MGAT4C: variants seen among roughly 807,000 people sequenced by gnomAD.
MGAT4C encodes alpha-1,3-mannosyl-glycoprotein 4-beta-N-acetylglucosaminyltransferase C.
MGAT4C carries 19 observed loss-of-function variants against 40.1 expected under a neutral mutation model. The observed-to-expected ratio is 0.47, with a 90% confidence interval of 0.33 to 0.70. The LOEUF is 0.70. MGAT4C is among the 30% of genes least tolerant of loss of function. The pLI is 0.02. For missense variants in MGAT4C, 491 were observed against 563.2 expected (o/e 0.87, Z 1.30); for synonymous variants, 181 against 187.1 (o/e 0.97, Z 0.27).
In MGAT4C at chr12:86,393,454, T is replaced by A. The variant is rs190112288; in HGVS notation, c.-120+41703A>T. Among the ~76,000 whole-genome samples the A allele has an allele frequency of 1.4e-3, 209 of 152,288 alleles. 1 individual carries two copies. The highest frequency in any genetic ancestry group is 4.7e-3 in the African/African-American group (197 of 41,562). ...ATTTTAGATATAAGAAAACTGAAGT[T>A]TGGAGAGACAAAATTTTTTTTCCAA... On this transcript the variant is annotated intron_variant, in intron 3 of 7. Transcript: ENST00000548651.
chr12:86,475,724 A>G (rs1489578721), intron 2 of MGAT4C, among the ~76,000 whole-genome samples: 11 of 152,100 alleles, frequency 7.2e-5, no homozygotes. Flanking sequence ...TAAAAATGTG[A>G]TAGCCAATAT....
At chr12:86,778,659 AC>A (rs1273469548) in intron 1 of MGAT4C, among the ~76,000 whole-genome samples, 1 of 152,164 alleles carries the variant, frequency 6.6e-6, no homozygotes, top group Non-Finnish European at 1.5e-5. Context: ...AATATTAAGA[AC>A]AGTATCTCTA....
intron 2 of MGAT4C, among the ~76,000 whole-genome samples, chr12:86,639,020 G>A (rs1440851110): frequency 6.6e-6 from 1 of 151,752 alleles, no homozygotes; most frequent in South Asian, 2.1e-4. Flanking sequence ...TGGTTTTGCA[G>A]ATATAAATAT....
Position 86,813,413 on chromosome 12 carries a change from A to G in MGAT4C, c.-262+25253T>C, listed in dbSNP as rs148671230. Reference sequence around the variant, plus strand: ...TAATCTACCTGATTTAATTTACTCTAAAGAAATAATCTAATTTTGAAATTT... The same window carrying G: ...TAATCTACCTGATTTAATTTACTCTGAAGAAATAATCTAATTTTGAAATTT... On this transcript the variant is annotated intron_variant, in intron 1 of 7. Coordinates refer to the MGAT4C transcript ENST00000548651. 4.9e-4 allele frequency among the ~76,000 whole-genome samples: 71 copies of G among 143,914 alleles called. No homozygotes were observed. The East Asian group carries it at 0.011, about 23-fold the overall frequency. The allele number at this position is 143,914 out of a possible 152,430, so 94.4% of individuals were successfully genotyped here. A position where few individuals can be genotyped will look rare whatever the true frequency, so the allele number is the denominator to read the frequency against.
chr12:86,774,345 C>CTTTTTCTTTCTTTCTTTCTTTCTT (rs1951708548), intron 1 of MGAT4C, among the ~76,000 whole-genome samples: 12 of 14,908 alleles, frequency 8.0e-4, no homozygotes, highest in Admixed American at 2.1e-3. Context: ...CTTTCTGTCT[C>CTTTTTCTTTCTTTCTTTCTTTCTT]TCTCTCTCCC....
At chr12:86,062,461 G>T (rs1396545076) in intron 1 of MGAT4C, among the ~76,000 whole-genome samples, 3 of 151,998 alleles carry the variant, frequency 2.0e-5, no homozygotes, top group African/African-American at 7.2e-5. Flanking sequence ...AAACCAGAAT[G>T]CCTTTTCTCC....
At chr12:86,650,592 G>A (rs1044048778) in intron 2 of MGAT4C, among the ~76,000 whole-genome samples, 2 of 151,832 alleles carry the variant, frequency 1.3e-5, no homozygotes, top group African/African-American at 2.4e-5. Context: ...TTTGACTTAT[G>A]ATTCTCTTGC....
intron 1 of MGAT4C, among the ~76,000 whole-genome samples, chr12:86,754,072 T>C (rs1951264253): frequency 6.6e-6 from 1 of 152,148 alleles, no homozygotes; most frequent in Non-Finnish European, 1.5e-5. Flanking sequence ...ATAATAGCCC[T>C]GAACCAAAAC....
intron 1 of MGAT4C, among the ~76,000 whole-genome samples, chr12:86,745,870 C>G (rs923130283): frequency 6.6e-6 from 1 of 151,674 alleles, no homozygotes; most frequent in Non-Finnish European, 1.5e-5. Context: ...AATAGAAATT[C>G]AGCTTCAGGA....
At chr12:86,804,305 T>C (rs1952301177) in intron 1 of MGAT4C, among the ~76,000 whole-genome samples, 1 of 141,078 alleles carries the variant, frequency 7.1e-6, no homozygotes, top group African/African-American at 2.6e-5. Flanking sequence ...TTGGGAGATA[T>C]ACCTAATGCT....
At chr12:86,165,956 A>G (rs1886149842) in intron 1 of MGAT4C, among the ~76,000 whole-genome samples, 1 of 152,178 alleles carries the variant, frequency 6.6e-6, no homozygotes, top group South Asian at 2.1e-4. Context: ...CTTGTAGATT[A>G]TTGCATATGT....
At chr12:86,708,187 C>T (rs1950496557) in intron 2 of MGAT4C, among the ~76,000 whole-genome samples, 1 of 152,190 alleles carries the variant, frequency 6.6e-6, no homozygotes, top group Admixed American at 6.5e-5. Context: ...GGACTTGGTG[C>T]CCTGCATCCC....
At chr12:86,744,749 G>T (rs577019837) in intron 1 of MGAT4C, among the ~76,000 whole-genome samples, 1 of 151,562 alleles carries the variant, frequency 6.6e-6, no homozygotes, top group African/African-American at 2.4e-5. Flanking sequence ...GTGTGTCTTT[G>T]TAGAACACAC....
At chr12:86,244,572 G>A (rs1226769839) in intron 1 of MGAT4C, among the ~76,000 whole-genome samples, 1 of 152,148 alleles carries the variant, frequency 6.6e-6, no homozygotes, top group Non-Finnish European at 1.5e-5. Flanking sequence ...CTCTGCGCTA[G>A]CACTGCTGAT....
chr12:86,357,685 C>G (rs1308901022), intron 3 of MGAT4C, among the ~76,000 whole-genome samples: 1 of 152,082 alleles, frequency 6.6e-6, no homozygotes, highest in African/African-American at 2.4e-5. Flanking sequence ...GACACAGGTA[C>G]AAGCTTCAGT....
chr12:86,328,601 C>A (rs1025099748), intron 4 of MGAT4C, among the ~76,000 whole-genome samples: 4 of 151,824 alleles, frequency 2.6e-5, no homozygotes, highest in Admixed American at 2.0e-4. Context: ...ATAATTGTAA[C>A]AAAATTTGTG....
chr12:86,492,310 T>C (rs1401061621), intron 2 of MGAT4C, among the ~76,000 whole-genome samples: 2 of 152,162 alleles, frequency 1.3e-5, no homozygotes, highest in Non-Finnish European at 1.5e-5. Flanking sequence ...TAAGTTCATA[T>C]GGAACCAAAA....
At chr12:86,491,031 A>ATT (rs1958122454) in intron 2 of MGAT4C, among the ~76,000 whole-genome samples, 1 of 152,178 alleles carries the variant, frequency 6.6e-6, no homozygotes, top group African/African-American at 2.4e-5. Context: ...AAGGATACCC[A>ATT]GGAATTGAAC....
intron 3 of MGAT4C, among the ~76,000 whole-genome samples, chr12:86,343,360 T>C (rs1954942799): frequency 6.6e-6 from 1 of 152,180 alleles, no homozygotes; most frequent in African/African-American, 2.4e-5. Context: ...TACTGATCTG[T>C]TAGTAAGATA....
Sources: gnomAD v4.1 joint callset for allele counts (sites outside exome capture counted in the v4.1 genomes callset) on GRCh38, gnomAD v4.1.1 for gene constraint, MANE v1.5 for transcripts, NCBI Gene and HGNC (gene_info 2026-07-23, HGNC 2026-07-21) for gene names.